CLEC16A: variants seen among roughly 807,000 people sequenced by gnomAD.
The protein encoded by CLEC16A is C-type lectin domain containing 16A.
A neutral mutation model predicts 109.5 loss-of-function variants in CLEC16A; 51 were observed. The observed-to-expected ratio is 0.47, with a 90% CI of 0.37 to 0.59. The LOEUF is 0.59. Ranked by LOEUF, CLEC16A falls within the 20% of genes least tolerant of loss-of-function variation. The pLI is 0.00. For synonymous variants in CLEC16A, 673 were observed against 564.2 expected (o/e 1.19, Z -2.73); for missense variants, 1,339 against 1,394.0 (o/e 0.96, Z 0.63).
chr16:11,120,836 ACAC>A (rs866196570), intron 20 of CLEC16A, 70 bp downstream of exon 20: 6 of 1,181,166 alleles, frequency 5.1e-6, no homozygotes, highest in Non-Finnish European at 6.7e-6. Context: ...ACACACACAC[ACAC>A]CACACACAAT....
Position 11,165,934 on chromosome 16 carries a change from G to GTGACTTCAGAGCGTGGGTCCCCCAGGTA in CLEC16A, c.2642-441_2642-414dup, listed in dbSNP as rs562797859. Reference sequence around the variant, plus strand: ...CAGGGCACTGTCCTCCTGCCCGGGTGTGACTTCAGAGCGTGGGTCCCCCAG... The same window carrying GTGACTTCAGAGCGTGGGTCCCCCAGGTA: ...CAGGGCACTGTCCTCCTGCCCGGGTGTGACTTCAGAGCGTGGGTCCCCCAGGTATGACTTCAGAGCGTGGGTCCCCCAG... On this transcript the variant is annotated intron_variant, in intron 22 of 23. Coordinates refer to ENST00000409790, the MANE Select transcript of CLEC16A (RefSeq NM_015226.3). Among the ~76,000 whole-genome samples, 48 of 152,316 alleles carry GTGACTTCAGAGCGTGGGTCCCCCAGGTA rather than the reference G, an allele frequency of 3.2e-4. No homozygotes were observed. The South Asian group carries it at 9.8e-3, about 31-fold the overall frequency.
chr16:11,132,268 C>T (rs2053266472), intron 22 of CLEC16A, among the ~76,000 whole-genome samples: 1 of 146,518 alleles, frequency 6.8e-6, no homozygotes, highest in Non-Finnish European at 1.5e-5. Context: ...CAGCCCCTGG[C>T]ATCCACTAAT....
intron 13 of CLEC16A, chr16:11,026,911 G>A: frequency 1.1e-6 from 1 of 872,706 alleles, no homozygotes; most frequent in Non-Finnish European, 1.8e-6. Context: ...AACGCTGACT[G>A]GGTCCTCCAG....
chr16:11,032,793 A>G (rs2046818391), intron 13 of CLEC16A, among the ~76,000 whole-genome samples: 1 of 152,190 alleles, frequency 6.6e-6, no homozygotes, highest in South Asian at 2.1e-4. Context: ...AGGAGCAGAA[A>G]GTGGGCCAAG....
At chr16:11,050,983 A>G (rs1024882599) in intron 17 of CLEC16A, among the ~76,000 whole-genome samples, 2 of 152,118 alleles carry the variant, frequency 1.3e-5, no homozygotes, top group Non-Finnish European at 2.9e-5. Flanking sequence ...CCTTGGATCC[A>G]TTTTTCTGCT....
intron 20 of CLEC16A, 57 bp from the exon 21 acceptor site, chr16:11,123,678 CAGCTCCT>C (rs1404815290): frequency 8.1e-5 from 123 of 1,512,862 alleles, no homozygotes; most frequent in Non-Finnish European, 1.1e-4. Context: ...CATGATGCCA[CAGCTCCT>C]AGCCACCCTC....
intron 13 of CLEC16A, among the ~76,000 whole-genome samples, chr16:11,038,293 A>G (rs1268125397): frequency 6.6e-6 from 1 of 152,120 alleles, no homozygotes; most frequent in African/African-American, 2.4e-5. Flanking sequence ...TACTCAAGGG[A>G]CCGTATTTTA....
Position 11,174,955 on chromosome 16 carries a change from T to G in CLEC16A, c.2807-3380T>G, listed in dbSNP as rs1325741548. ...GCTGCCTCCCCTATGACGCTTCTTC[T>G]GTGGTTTCTGATGCGCTTTTCTCCA... On this transcript the variant is annotated intron_variant, in intron 23 of 23. Transcript: ENST00000409790. The surrounding 1 kb of genome is among the most constrained non-coding windows in gnomAD (Gnocchi z 4.7). Among the ~76,000 whole-genome samples, 1 of 152,238 alleles carries G rather than the reference T, an allele frequency of 6.6e-6. No homozygotes were observed. Among genetic ancestry groups the G allele is most frequent in the Non-Finnish European group, 1.5e-5 (1 of 68,036 alleles).
chr16:10,983,753 T>C (rs931007543), intron 10 of CLEC16A, among the ~76,000 whole-genome samples: 2 of 152,114 alleles, frequency 1.3e-5, no homozygotes, highest in Non-Finnish European at 2.9e-5. Context: ...CTGGTCTGAC[T>C]TGCTTTTCCC....
intron 10 of CLEC16A, among the ~76,000 whole-genome samples, chr16:10,998,258 T>A (rs1307421345): frequency 6.6e-6 from 1 of 152,180 alleles, no homozygotes; most frequent in Admixed American, 6.5e-5. Flanking sequence ...GGGGCACCTC[T>A]AAAATGTAGT....
rs201591686 is a variant in CLEC16A at position 11,166,497 on chromosome 16, C to T, written c.2751C>T (p.Cys917=). The change falls in exon 23 of 24, where the codon TGC becomes TGT. Residue 917 remains cysteine, a synonymous_variant. Transcript: ENST00000409790. ...GCGGCAGCGGGAGCACCAGCCACTG[C>T]GACTCTGGAGGCACCAGCTCGTCCT... The part of the protein sequence containing the change: ...SPSGSGSTSH[C]DSGGTSSSST... The T allele has an allele frequency of 1.1e-4, 177 of 1,609,294 alleles. No homozygotes were observed. The highest frequency in any genetic ancestry group is 1.3e-4 in the Non-Finnish European group (151 of 1,179,658).
intron 19 of CLEC16A, among the ~76,000 whole-genome samples, chr16:11,080,010 C>G (rs1454213417): frequency 3.9e-5 from 6 of 152,214 alleles, no homozygotes; most frequent in Non-Finnish European, 8.8e-5. Flanking sequence ...GGCTTCCCTT[C>G]CTATCATGGC....
intron 19 of CLEC16A, among the ~76,000 whole-genome samples, chr16:11,099,834 C>T (rs1368791852): frequency 6.6e-6 from 1 of 152,154 alleles, no homozygotes; most frequent in Non-Finnish European, 1.5e-5. Flanking sequence ...GCCTGGGACC[C>T]ACGTGCTGTT....
chr16:11,157,673 C>A (rs1000562278), intron 22 of CLEC16A, among the ~76,000 whole-genome samples: 3 of 150,640 alleles, frequency 2.0e-5, no homozygotes, highest in African/African-American at 7.3e-5. Context: ...TGTGTAGATT[C>A]CTAAGAGGAG....
chr16:11,104,420 C>T (rs2051099759), intron 19 of CLEC16A, among the ~76,000 whole-genome samples: 1 of 152,138 alleles, frequency 6.6e-6, no homozygotes, highest in African/African-American at 2.4e-5. Flanking sequence ...TGCCACCACA[C>T]CCAGCATATC....
chr16:11,088,316 G>C (rs1484060020), intron 19 of CLEC16A, among the ~76,000 whole-genome samples: 1 of 152,210 alleles, frequency 6.6e-6, no homozygotes, highest in Non-Finnish European at 1.5e-5. Flanking sequence ...GGACTCCACA[G>C]AACCAGCTCA....
intron 10 of CLEC16A, among the ~76,000 whole-genome samples, chr16:11,001,985 C>T (rs2044695604): frequency 1.3e-5 from 2 of 152,186 alleles, no homozygotes; most frequent in South Asian, 4.1e-4. Context: ...GCTAGTGTTC[C>T]ATTGCCTGTA....
chr16:11,002,237 T>A (rs553699560), intron 10 of CLEC16A, among the ~76,000 whole-genome samples: 5 of 152,320 alleles, frequency 3.3e-5, no homozygotes, highest in Admixed American at 3.3e-4. Flanking sequence ...TGAGATCATA[T>A]AGTCAGAGCC....
chr16:11,000,795 G>T (rs1403596408), intron 10 of CLEC16A, among the ~76,000 whole-genome samples: 3 of 152,122 alleles, frequency 2.0e-5, no homozygotes, highest in African/African-American at 7.2e-5. Context: ...TTTCAATTAG[G>T]TTTTGTTTTG....
Sources: gnomAD v4.1 joint callset for allele counts (sites outside exome capture counted in the v4.1 genomes callset) on GRCh38, gnomAD v4.1.1 for gene constraint, Gnocchi (gnomAD v3.1) non-coding constraint, MANE v1.5 for transcripts, NCBI Gene and HGNC (gene_info 2026-07-23, HGNC 2026-07-21) for gene names.